FKTN: variants seen among roughly 807,000 people sequenced by gnomAD.
FKTN encodes ribitol-5-phosphate transferase FKTN.
Under a neutral mutation model 58.6 loss-of-function variants are expected in FKTN, and 47 were observed. The observed-to-expected ratio is 0.80, with a 90% confidence interval of 0.63 to 1.02. FKTN has a LOEUF of 1.02. Ranked by LOEUF, FKTN falls within the 50% of genes least tolerant of loss-of-function variation. The probability of loss-of-function intolerance (pLI) is 0.00; values close to 1 mark genes in which losing one functional copy is unlikely to be tolerated. For synonymous variants in FKTN, 178 were observed against 191.9 expected, an observed-to-expected ratio of 0.93 and a Z score of 0.60; for missense variants, 516 against 537.3, an observed-to-expected ratio of 0.96 and a Z score of 0.39.
Position 105,639,896 on chromosome 9 carries a change from T to C in FKTN, c.*4632T>C. 1.4e-6 allele frequency: 2 copies of C among 1,423,370 alleles called. No individual in the cohort carries two copies. The highest frequency in any genetic ancestry group is 3.1e-5 in the South Asian group (2 of 64,304). 88.2% of individuals were successfully genotyped at this position (1,423,370 alleles called of 1,614,324 possible). On this transcript the variant is annotated 3_prime_UTR_variant, in exon 11 of 11. Transcript: ENST00000357998. Reference sequence around the variant, plus strand: ...TCTCCCCTGGACTTCTTTTTCAATATTCTAGCCTTTCCTAGATGTAAATCT... The same window carrying C: ...TCTCCCCTGGACTTCTTTTTCAATACTCTAGCCTTTCCTAGATGTAAATCT...
rs1834295493 is a variant in FKTN at position 105,639,728 on chromosome 9, C to T, written c.*4464C>T. The T allele has an allele frequency of 1.0e-6, 1 of 970,118 alleles. No individual in the cohort carries two copies. Among genetic ancestry groups the T allele is most frequent in the Non-Finnish European group, 1.2e-6 (1 of 804,030 alleles). The allele number at this position is 970,118 out of a possible 1,614,324, so 60.1% of individuals were successfully genotyped here. Reference sequence around the variant, plus strand: ...AATATATGGTTTGTGAATTCAGAGACATTACCAGTTTGCCTCCTTCTCTCA... The same window carrying T: ...AATATATGGTTTGTGAATTCAGAGATATTACCAGTTTGCCTCCTTCTCTCA... On this transcript the variant is annotated 3_prime_UTR_variant, in exon 11 of 11. Transcript: ENST00000357998.
At chr9:105,589,062 G>C (rs952580509) in intron 3 of FKTN, among the ~76,000 whole-genome samples, 4 of 152,194 alleles carry the variant, frequency 2.6e-5, no homozygotes, top group Admixed American at 6.5e-5. Flanking sequence ...TTGCTCTCCA[G>C]AGACGGATTA....
chr9:105,617,595 T>C (rs1831048248), intron 8 of FKTN, among the ~76,000 whole-genome samples: 1 of 152,192 alleles, frequency 6.6e-6, no homozygotes, highest in African/African-American at 2.4e-5. Context: ...AAATATATCA[T>C]GAAAGTTTTT....
intron 10 of FKTN, among the ~76,000 whole-genome samples, chr9:105,626,920 G>C (rs769853149): frequency 4.6e-5 from 7 of 150,956 alleles, no homozygotes; most frequent in Non-Finnish European, 7.4e-5. Flanking sequence ...TTTTTTCTGA[G>C]TTGTCTGTCT....
At chr9:105,568,363 G>A (rs968310854) in intron 1 of FKTN, among the ~76,000 whole-genome samples, 3 of 152,124 alleles carry the variant, frequency 2.0e-5, no homozygotes, top group African/African-American at 7.2e-5. Context: ...GCAACCTACA[G>A]AATGGGAGAA....
Position 105,636,845 on chromosome 9 carries a change from C to T in FKTN, c.*1581C>T. The T allele has an allele frequency of 8.3e-7, 1 of 1,198,186 alleles. No individual in the cohort carries two copies. Among genetic ancestry groups the T allele is most frequent in the East Asian group, 6.2e-5 (1 of 16,256 alleles). 74.2% of individuals were successfully genotyped at this position (1,198,186 alleles called of 1,614,324 possible). Reference sequence around the variant, plus strand: ...AAAACAAATTAGAGAAAGTAACTTACAACCACCCATTCCGGATTTGTAAAG... The same window carrying T: ...AAAACAAATTAGAGAAAGTAACTTATAACCACCCATTCCGGATTTGTAAAG... On this transcript the variant is annotated 3_prime_UTR_variant, in exon 11 of 11. Transcript: ENST00000357998.
Position 105,617,699 on chromosome 9 carries a change from T to C in FKTN, c.911-260T>C, listed in dbSNP as rs188671619. Among the ~76,000 whole-genome samples, 8 of 152,256 alleles carry C rather than the reference T, an allele frequency of 5.3e-5. No homozygotes were observed. The East Asian group carries it at 1.5e-3, about 29-fold the overall frequency. On this transcript the variant is annotated intron_variant, in intron 8 of 10. Coordinates refer to ENST00000357998, the MANE Select transcript of FKTN (RefSeq NM_001079802.2). ...CAAACAAAGTCATTTAGTTTGAGGT[T>C]TAATTTTTAAAAATAATTTTGGTGA...
Position 105,638,102 on chromosome 9 carries a change from TA to T in FKTN, c.*2841del. ...TTTTTAAACCCTCTTATTTTATAAC[TA>T]AATAAATAATCACAGAAAAGAATGA... On this transcript the variant is annotated 3_prime_UTR_variant, in exon 11 of 11. Coordinates refer to ENST00000357998, the MANE Select transcript of FKTN (RefSeq NM_001079802.2). 2 of 973,656 alleles carry T rather than the reference TA, an allele frequency of 2.1e-6. No homozygotes were observed. Among genetic ancestry groups the T allele is most frequent in the Non-Finnish European group, 2.4e-6 (2 of 819,300 alleles). 60.3% of individuals were successfully genotyped at this position (973,656 alleles called of 1,614,324 possible).
intron 1 of FKTN, among the ~76,000 whole-genome samples, chr9:105,562,001 A>T (rs1052194810): frequency 6.6e-6 from 1 of 151,452 alleles, no homozygotes; most frequent in Admixed American, 6.6e-5. Context: ...AATCTGCTAC[A>T]TCATCTCTCT....
chr9:105,600,171 A>G (rs566766016), intron 4 of FKTN, among the ~76,000 whole-genome samples: 1 of 152,268 alleles, frequency 6.6e-6, no homozygotes, highest in East Asian at 1.9e-4. Context: ...AGATTATTGT[A>G]TTCTTGGCAT....
rs1832903298 is a variant in FKTN, at chr9:105,627,683, TTTGAAC to T, written c.1173-7366_1173-7361del. Among the ~76,000 whole-genome samples the T allele has an allele frequency of 2.6e-5, 4 of 152,364 alleles. No individual in the cohort carries two copies. In the South Asian group the frequency reaches 8.3e-4, roughly 32 times the overall value. On this transcript the variant is annotated intron_variant, in intron 10 of 10. Coordinates refer to ENST00000357998, the MANE Select transcript of FKTN (RefSeq NM_001079802.2). ...TTCAAGGGCCTTACGTTGCTGTCTG[TTTGAAC>T]TAGCTTCTTGGTACCTTGATCTGGA...
At chr9:105,581,443 G>T (rs1485761998) in intron 3 of FKTN, among the ~76,000 whole-genome samples, 3 of 149,518 alleles carry the variant, frequency 2.0e-5, no homozygotes, top group Admixed American at 6.6e-5. Context: ...GTGTCAGTGT[G>T]CCCCTGCTGC....
At chr9:105,566,104 G>A (rs1002896086) in intron 1 of FKTN, among the ~76,000 whole-genome samples, 6 of 152,170 alleles carry the variant, frequency 3.9e-5, no homozygotes, top group African/African-American at 1.4e-4. Context: ...AAACCAAGGA[G>A]AACAAAGACA....
At chr9:105,602,802 C>T (rs886398103) in intron 5 of FKTN, among the ~76,000 whole-genome samples, 6 of 152,064 alleles carry the variant, frequency 3.9e-5, no homozygotes, top group Non-Finnish European at 7.4e-5. Flanking sequence ...TCAAATGATC[C>T]ACCTGCCTCA....
intron 4 of FKTN, chr9:105,596,871 T>C (rs113105864): frequency 1.7e-6 from 1 of 572,048 alleles, no homozygotes; most frequent in Non-Finnish European, 3.1e-6. Flanking sequence ...TGAGTAAATA[T>C]TGTTACTCTC....
intron 5 of FKTN, among the ~76,000 whole-genome samples, chr9:105,601,560 G>C (rs887277865): frequency 6.6e-6 from 1 of 152,176 alleles, no homozygotes; most frequent in Non-Finnish European, 1.5e-5. Flanking sequence ...TAAAAGGTTA[G>C]TGGCTATTGA....
intron 8 of FKTN, among the ~76,000 whole-genome samples, chr9:105,615,698 G>C (rs1299239273): frequency 6.6e-6 from 1 of 152,028 alleles, no homozygotes; most frequent in Non-Finnish European, 1.5e-5. Context: ...CCTTATCCAT[G>C]GACAATACAT....
At chr9:105,600,901 A>G in intron 4 of FKTN, 2 of 402,562 alleles carry the variant, frequency 5.0e-6, no homozygotes, top group Non-Finnish European at 4.6e-6. Context: ...AATATGTTGT[A>G]TATGTTTTTC....
chr9:105,595,253 A>G (rs1826557727), intron 3 of FKTN, among the ~76,000 whole-genome samples: 1 of 152,192 alleles, frequency 6.6e-6, no homozygotes, highest in Non-Finnish European at 1.5e-5. Context: ...AGATAGTGGT[A>G]ATAGTTGCAC....
Sources: gnomAD v4.1 joint callset for allele counts (sites outside exome capture counted in the v4.1 genomes callset) on GRCh38, gnomAD v4.1.1 for gene constraint, MANE v1.5 for transcripts, NCBI Gene and HGNC (gene_info 2026-07-23, HGNC 2026-07-21) for gene names.